NWD2: variants seen among roughly 807,000 people sequenced by gnomAD.
NWD2 encodes NACHT and WD repeat domain containing 2, also known as NACHT and WD repeat domain-containing protein 2.
Under a neutral mutation model 132.7 loss-of-function variants are expected in NWD2, and 37 were observed. That is an observed-to-expected ratio of 0.28 (90% CI 0.21 to 0.37). The LOEUF is 0.37. Ranked by LOEUF, NWD2 falls within the 10% of genes least tolerant of loss-of-function variation. The pLI is 1.00. For missense variants in NWD2, 1,592 were observed against 2,122.4 expected, an observed-to-expected ratio of 0.75 and a Z score of 4.91; for synonymous variants, 705 against 803.0, an observed-to-expected ratio of 0.88 and a Z score of 2.06.
intron 3 of NWD2, among the ~76,000 whole-genome samples, chr4:37,412,302 T>G (rs896469690): frequency 2.9e-4 from 44 of 152,260 alleles, no homozygotes; most frequent in African/African-American, 1.0e-3. Flanking sequence ...GGATATAAAA[T>G]CAATGTGCAA....
chr4:37,306,835 A>T (rs764774707), intron 1 of NWD2, among the ~76,000 whole-genome samples: 5 of 152,110 alleles, frequency 3.3e-5, no homozygotes, highest in Non-Finnish European at 7.4e-5. Context: ...ATCCTAGCTC[A>T]CATGGGGAAA....
chr4:37,441,639 C>T (rs781070122), intron 6 of NWD2, among the ~76,000 whole-genome samples: 2 of 152,194 alleles, frequency 1.3e-5, no homozygotes, highest in Non-Finnish European at 2.9e-5. Flanking sequence ...TGAGCTCTTG[C>T]TCTTCTAGAT....
chr4:37,428,244 C>T (rs1712061325), intron 3 of NWD2, among the ~76,000 whole-genome samples: 1 of 152,112 alleles, frequency 6.6e-6, no homozygotes, highest in Non-Finnish European at 1.5e-5. Context: ...AGAAATGCCC[C>T]CTAGGGAAAC....
rs75117448 is a variant in NWD2 at position 37,271,348 on chromosome 4, A to G, written c.151+26130A>G. Among the ~76,000 whole-genome samples the G allele has an allele frequency of 5.8e-3, 882 of 151,980 alleles. 9 individuals carry two copies. Among genetic ancestry groups the G allele is most frequent in the African/African-American group, 0.02 (832 of 41,536 alleles). ...TAAGAATGGTTGATATCCAAATAAT[A>G]TTGAGCCTTTTAATACATGAATGTG... On this transcript the variant is annotated intron_variant, in intron 1 of 6. Transcript: ENST00000309447.
chr4:37,439,160 G>C lies in NWD2; in HGVS notation c.1066G>C (p.Ala356Pro). 6.5e-7 allele frequency: 1 copy of C among 1,550,324 alleles called. No individual in the cohort carries two copies. The highest frequency in any genetic ancestry group is 1.4e-5 in the African/African-American group (1 of 73,034). Residue 356 changes from alanine (A) to proline (P), a missense_variant, in exon 6 of 7, where the codon GCA becomes CCA. Physicochemically the swap from Ala to Pro is conservative, Grantham distance 27. This residue lies in a region of NWD2 where 1,071 missense variants were observed against 1,398.0 expected (regional missense o/e 0.77). Coordinates refer to ENST00000309447, the MANE Select transcript of NWD2 (RefSeq NM_001144990.2). This position sits in a 1 kb window ranked among gnomAD's most constrained non-coding sequence, Gnocchi z 4.5. ...TGAGGACATGATTGATATAATTCAG[G>C]CAACGATACAACAGAATTTTGACAC... ...FYEDMIDIIQ[A>P]TIQQNFDTET...
intron 1 of NWD2, among the ~76,000 whole-genome samples, chr4:37,275,136 A>G (rs1356805247): frequency 6.6e-6 from 1 of 152,278 alleles, no homozygotes; most frequent in African/African-American, 2.4e-5. Flanking sequence ...GAGGAAGTCA[A>G]ATTGTCCCTG....
intron 2 of NWD2, among the ~76,000 whole-genome samples, chr4:37,351,787 C>G (rs1215235239): frequency 6.6e-6 from 1 of 152,138 alleles, no homozygotes; most frequent in African/African-American, 2.4e-5. Context: ...GATTTTAGAT[C>G]TTTCCTGCTT....
intron 3 of NWD2, among the ~76,000 whole-genome samples, chr4:37,371,038 C>T (rs1005901752): frequency 6.7e-6 from 1 of 148,728 alleles, no homozygotes; most frequent in African/African-American, 2.5e-5. Context: ...TTACAGAAGG[C>T]AAATTATTTG....
chr4:37,299,681 T>C (rs982246101), intron 1 of NWD2, among the ~76,000 whole-genome samples: 1 of 152,162 alleles, frequency 6.6e-6, no homozygotes, highest in Non-Finnish European at 1.5e-5. Context: ...AAGGACTTGC[T>C]GATTGGTGAA....
rs1720135086 is a variant in NWD2 at position 37,367,996 on chromosome 4, C to T, written c.357+11514C>T. ...TTCTCCCTGTCTGTTCTTTATCTAC[C>T]GAAGTAGAGGGATTGAACTATAAGG... On this transcript the variant is annotated intron_variant, in intron 3 of 6. Transcript: ENST00000309447. 1.3e-5 allele frequency among the ~76,000 whole-genome samples: 2 copies of T among 151,998 alleles called. 1 individual carries two copies. Among genetic ancestry groups the T allele is most frequent in the South Asian group, 4.2e-4 (2 of 4,808 alleles).
chr4:37,441,765 T>G (rs1340929667), intron 6 of NWD2, among the ~76,000 whole-genome samples: 1 of 152,232 alleles, frequency 6.6e-6, no homozygotes, highest in African/African-American at 2.4e-5. Context: ...TCCTGGGGAA[T>G]GTCTGACTCA....
At chr4:37,378,040 AATC>A in intron 3 of NWD2, among the ~76,000 whole-genome samples, 1 of 152,314 alleles carries the variant, frequency 6.6e-6, no homozygotes, top group Non-Finnish European at 1.5e-5. Context: ...ATTAAAAATT[AATC>A]ATTAAACATT....
intron 3 of NWD2, among the ~76,000 whole-genome samples, chr4:37,384,178 A>G (rs180925560): frequency 2.0e-3 from 308 of 152,266 alleles, no homozygotes; most frequent in Non-Finnish European, 2.9e-3. Flanking sequence ...TAAACAGTTT[A>G]TGTCTATCTA....
intron 3 of NWD2, among the ~76,000 whole-genome samples, chr4:37,376,768 G>A (rs997381108): frequency 1.3e-5 from 2 of 152,080 alleles, no homozygotes; most frequent in Admixed American, 6.5e-5. Flanking sequence ...AAAAATATTG[G>A]TCCACGCTTT....
chr4:37,276,635 C>T (rs1436059833), intron 1 of NWD2, among the ~76,000 whole-genome samples: 7 of 151,972 alleles, frequency 4.6e-5, no homozygotes, highest in African/African-American at 1.4e-4. Context: ...TCCTTTATAT[C>T]CTTTATAACC....
chr4:37,301,581 C>T (rs1718612980), intron 1 of NWD2, among the ~76,000 whole-genome samples: 1 of 151,320 alleles, frequency 6.6e-6, no homozygotes, highest in Non-Finnish European at 1.5e-5. Context: ...CCCTTTTTTT[C>T]AGTGATTTAA....
At chr4:37,276,787 T>G (rs891992665) in intron 1 of NWD2, among the ~76,000 whole-genome samples, 1 of 152,060 alleles carries the variant, frequency 6.6e-6, no homozygotes, top group African/African-American at 2.4e-5. Flanking sequence ...ACATACACCA[T>G]GGAATACTAT....
At chr4:37,410,568 A>G (rs1721134432) in intron 3 of NWD2, among the ~76,000 whole-genome samples, 1 of 152,074 alleles carries the variant, frequency 6.6e-6, no homozygotes, top group Admixed American at 6.6e-5. Context: ...TTGACAACCC[A>G]CTGTCAGTAT....
chr4:37,331,743 C>T (rs1359247008), intron 2 of NWD2, among the ~76,000 whole-genome samples: 1 of 152,140 alleles, frequency 6.6e-6, no homozygotes, highest in East Asian at 1.9e-4. Flanking sequence ...GATCCCAGTA[C>T]CTGGTTTTAA....
Sources: gnomAD v4.1 joint callset for allele counts (sites outside exome capture counted in the v4.1 genomes callset) on GRCh38, gnomAD v4.1.1 for gene constraint, gnomAD v4.1.1 regional missense constraint, Gnocchi (gnomAD v3.1) non-coding constraint, MANE v1.5 for transcripts, NCBI Gene and HGNC (gene_info 2026-07-23, HGNC 2026-07-21) for gene names.